The following SLA variants were observed in gnomAD, a reference collection of about 807,000 sequenced individuals.
The protein encoded by SLA is Src like adaptor, also known as src-like-adapter.
Under a neutral mutation model 30.3 loss-of-function variants are expected in SLA, and 16 were observed. That is an observed-to-expected ratio of 0.53 (90% CI 0.36 to 0.80). SLA has a LOEUF of 0.80. Among genes scored for constraint, SLA ranks in the 30% least tolerant of loss-of-function variants. The pLI is 0.01. For missense variants in SLA, 310 were observed against 345.2 expected (o/e 0.90, Z 0.81); for synonymous variants, 143 against 137.8 (o/e 1.04, Z -0.26).
At chr8:133,101,165 C>T (rs1490127968) in intron 1 of SLA, among the ~76,000 whole-genome samples, 2 of 152,098 alleles carry the variant, frequency 1.3e-5, no homozygotes, top group Non-Finnish European at 2.9e-5. Flanking sequence ...CACCACCTTA[C>T]CCCCACCATA....
chr8:133,084,411 G>A (rs367797747), intron 1 of SLA, among the ~76,000 whole-genome samples: 14 of 152,196 alleles, frequency 9.2e-5, no homozygotes, highest in African/African-American at 3.1e-4. Flanking sequence ...ATTGACAATG[G>A]AAGGGAGGCT....
chr8:133,094,740 A>T (rs1848153755), intron 1 of SLA: 1 of 448,798 alleles, frequency 2.2e-6, no homozygotes, highest in Non-Finnish European at 4.1e-6. Flanking sequence ...TTAAAGAACC[A>T]TCAGCCCTTT....
chr8:133,042,654 T>C (rs991598572), intron 7 of SLA, among the ~76,000 whole-genome samples: 5 of 141,994 alleles, frequency 3.5e-5, no homozygotes, highest in Non-Finnish European at 7.7e-5. Flanking sequence ...AAACCCCTGG[T>C]GCACAATTCC....
At chr8:133,061,863 C>T (rs1418442835) in intron 2 of SLA, among the ~76,000 whole-genome samples, 1 of 152,102 alleles carries the variant, frequency 6.6e-6, no homozygotes, top group African/African-American at 2.4e-5. Flanking sequence ...CTGCACTGCT[C>T]CATAATTTAA....
chr8:133,054,576 T>C (rs1841012527), intron 3 of SLA, among the ~76,000 whole-genome samples: 1 of 152,366 alleles, frequency 6.6e-6, no homozygotes, highest in African/African-American at 2.4e-5. Flanking sequence ...ATTATTTTCA[T>C]GGAGAGCGGG....
chr8:133,067,890 GTATGGAAGGAAGGAAGGAAGGAAGGA>G (rs1564145670), intron 2 of SLA, among the ~76,000 whole-genome samples: 8 of 30,418 alleles, frequency 2.6e-4, no homozygotes, highest in Non-Finnish European at 8.0e-4. Context: ...AAGGAAGTAT[GTATGGAAGGAAGGAAGGAAGGAAGGA>G]AAGAGAGAGA....
rs528805748 is a variant in SLA, at chr8:133,038,728, C to T, written c.627G>A (p.Glu209=). The T allele has an allele frequency of 6.2e-7, 1 of 1,612,838 alleles. No homozygotes were observed. Among genetic ancestry groups the T allele is most frequent in the African/African-American group, 1.3e-5 (1 of 74,800 alleles). The part of the protein sequence containing the change: ...VDWRRVSRLQ[E]DPEGTENPLG... ...GCGGGTTCTCTGTTCCCTCGGGGTC[C>T]TCCTGCAGTCTGTGGGCCAGAAGAA... The change falls in exon 9 of 9, where the codon GAG becomes GAA. Residue 209 remains glutamate, a synonymous_variant. Transcript: ENST00000338087.
chr8:133,053,035 C>A (rs918005689), intron 3 of SLA, among the ~76,000 whole-genome samples: 4 of 152,180 alleles, frequency 2.6e-5, no homozygotes, highest in Admixed American at 1.3e-4. Context: ...ATGTGATGGG[C>A]CTTTCTCCAA....
intron 8 of SLA, 29 bp downstream of exon 8, chr8:133,039,969 A>ACACG (rs1240689757): frequency 3.3e-6 from 5 of 1,517,754 alleles, no homozygotes; most frequent in Non-Finnish European, 4.4e-6. Flanking sequence ...ACACACACAC[A>ACACG]CACACACACA....
rs371147228 is a variant in SLA at position 133,038,516 on chromosome 8, G to A, written c.*8C>T. 6.3e-7 allele frequency: 1 copy of A among 1,598,068 alleles called. No individual in the cohort carries two copies. The highest frequency in any genetic ancestry group is 1.3e-5 in the African/African-American group (1 of 74,658). On this transcript the variant is annotated 3_prime_UTR_variant, in exon 9 of 9. Transcript: ENST00000338087. ...CTTTTGGGCATGAACCATTGTGTCTGTTCTTGGCTAGTCCTCAAAGTAAGG... is the reference window on the plus strand; with the variant it reads ...CTTTTGGGCATGAACCATTGTGTCTATTCTTGGCTAGTCCTCAAAGTAAGG...
At chr8:133,055,295 C>T (rs1841168284) in intron 3 of SLA, among the ~76,000 whole-genome samples, 1 of 151,838 alleles carries the variant, frequency 6.6e-6, no homozygotes, top group Non-Finnish European at 1.5e-5. Context: ...TGGCTAAACT[C>T]ATGGTCTCCT....
At chr8:133,077,731 GTGTA>G (rs1845111612) in intron 1 of SLA, among the ~76,000 whole-genome samples, 1 of 85,696 alleles carries the variant, frequency 1.2e-5, no homozygotes, top group Admixed American at 1.2e-4. Flanking sequence ...ATTCTCTGGT[GTGTA>G]TGTGTGTGTG....
chr8:133,068,831 C>A (rs867502787), intron 2 of SLA, among the ~76,000 whole-genome samples: 1 of 152,244 alleles, frequency 6.6e-6, no homozygotes, highest in Non-Finnish European at 1.5e-5. Flanking sequence ...CACAGAGGCC[C>A]CCAACACAGG....
chr8:133,101,476 G>A (rs1383064772), intron 1 of SLA, among the ~76,000 whole-genome samples: 1 of 152,104 alleles, frequency 6.6e-6, no homozygotes, highest in South Asian at 2.1e-4. Flanking sequence ...GGTTCTGGAG[G>A]GCCTCAATCT....
chr8:133,090,532 C>G (rs1024148070), intron 1 of SLA, among the ~76,000 whole-genome samples: 1 of 152,242 alleles, frequency 6.6e-6, no homozygotes, highest in Admixed American at 6.5e-5. Context: ...CCAAGTCAGA[C>G]AGCGCAAGGG....
At chr8:133,083,744 T>A (rs1297142903) in intron 1 of SLA, among the ~76,000 whole-genome samples, 1 of 152,194 alleles carries the variant, frequency 6.6e-6, no homozygotes, top group Non-Finnish European at 1.5e-5. Flanking sequence ...TTGAAGAGGA[T>A]AATGTTGGAA....
intron 2 of SLA, among the ~76,000 whole-genome samples, chr8:133,061,394 A>G (rs907470513): frequency 3.3e-5 from 5 of 152,254 alleles, no homozygotes; most frequent in Non-Finnish European, 5.9e-5. Flanking sequence ...GAGATAAAGC[A>G]TGGGAACCAC....
chr8:133,077,691 C>G (rs1459626207), intron 1 of SLA, among the ~76,000 whole-genome samples: 2 of 152,008 alleles, frequency 1.3e-5, no homozygotes, highest in African/African-American at 4.8e-5. Context: ...GGGTCTCAGC[C>G]TCAGCACTTT....
At chr8:133,100,974 G>A (rs1318404795) in intron 1 of SLA, among the ~76,000 whole-genome samples, 1 of 152,156 alleles carries the variant, frequency 6.6e-6, no homozygotes, top group South Asian at 2.1e-4. Context: ...TTTTTTCTGG[G>A]AAAGAAAGGC....
Sources: allele counts gnomAD v4.1 joint callset (sites outside exome capture counted in the v4.1 genomes callset), GRCh38; gene constraint gnomAD v4.1.1; transcripts MANE v1.5; gene names NCBI Gene and HGNC (gene_info 2026-07-23, HGNC 2026-07-21).